PHF12: variants seen among roughly 807,000 people sequenced by gnomAD.
The protein encoded by PHF12 is PHD finger protein 12.
Under a neutral mutation model 99.8 loss-of-function variants are expected in PHF12, and 6 were observed. The ratio of observed to expected loss-of-function variants is 0.06; its 90% confidence interval spans 0.03 to 0.12. The LOEUF (loss-of-function observed/expected upper bound fraction) is 0.12, where lower values mean the gene tolerates loss of function less well. Among genes scored for constraint, PHF12 ranks in the 10% least tolerant of loss-of-function variants. The pLI, the probability that PHF12 is intolerant of heterozygous loss-of-function variation, is 1.00. For synonymous variants in PHF12, 480 were observed against 514.9 expected, an observed-to-expected ratio of 0.93 and a Z score of 0.92; for missense variants, 954 against 1,300.1, an observed-to-expected ratio of 0.73 and a Z score of 4.09.
Position 28,924,176 on chromosome 17 carries a change from C to A in PHF12, c.448G>T (p.Ala150Ser), listed in dbSNP as rs1294082831. ...DRSASKTELK[A>S]IAHARILERR... is the part of the protein sequence containing the mutation. Reference sequence around the variant, plus strand: ...TCCAGGATCCGGGCATGGGCAATGGCCTTTAGTTCAGTTTTGCTGGCCGAT... The same window carrying A: ...TCCAGGATCCGGGCATGGGCAATGGACTTTAGTTCAGTTTTGCTGGCCGAT... The change falls in exon 4 of 15, where the codon GCC becomes TCC. Residue 150 changes from alanine to serine, a missense_variant. Transcript: ENST00000332830. 6.2e-7 allele frequency: 1 copy of A among 1,614,184 alleles called. No individual in the cohort carries two copies. Among genetic ancestry groups the A allele is most frequent in the Non-Finnish European group, 8.5e-7 (1 of 1,180,048 alleles).
At chr17:28,910,646 A>C in intron 10 of PHF12, 1 of 503,430 alleles carries the variant, frequency 2.0e-6, no homozygotes, top group Non-Finnish European at 3.5e-6. Context: ...GAGTGGAATA[A>C]ACCACTTGCC....
chr17:28,921,931 G>T, intron 4 of PHF12, 123 bp from the exon 5 acceptor site: 1 of 1,290,864 alleles, frequency 7.7e-7, no homozygotes, highest in Non-Finnish European at 1.1e-6. Context: ...AGCATGAATT[G>T]CTCTCTGAGG....
At chr17:28,924,462 A>T in intron 3 of PHF12, 160 bp from the exon 4 acceptor site, 3 of 921,492 alleles carry the variant, frequency 3.3e-6, no homozygotes, top group Non-Finnish European at 5.0e-6. Context: ...GTTAAAGTTG[A>T]CACAACTCTA....
rs2040802206 is a variant in PHF12, at chr17:28,951,038, G to A, written c.-78C>T. 2 of 1,603,984 alleles carry A rather than the reference G, an allele frequency of 1.2e-6. No homozygotes were observed. Among genetic ancestry groups the A allele is most frequent in the Non-Finnish European group, 1.7e-6 (2 of 1,174,976 alleles). On this transcript the variant is annotated 5_prime_UTR_variant, in exon 1 of 15. Transcript: ENST00000332830. ...GGGAGGGGGGAGGTGAGGGGAGGGGGCGCTCCTGACCCCGGCCCCGCTTTT... is the reference window on the plus strand; with the variant it reads ...GGGAGGGGGGAGGTGAGGGGAGGGGACGCTCCTGACCCCGGCCCCGCTTTT...
At chr17:28,924,591 C>G in intron 3 of PHF12, 1 of 467,442 alleles carries the variant, frequency 2.1e-6, no homozygotes, top group Non-Finnish European at 3.9e-6. Context: ...CATACAACAT[C>G]TATAAAGTAT....
At chr17:28,907,407 A>ACCT in intron 13 of PHF12, 183 bp downstream of exon 13, 3 of 604,160 alleles carry the variant, frequency 5.0e-6, no homozygotes, top group Non-Finnish European at 8.5e-6. Context: ...GGAAGCAGGT[A>ACCT]GCTTCCCAGG....
At chr17:28,931,405 CG>C (rs1417471923) in intron 2 of PHF12, among the ~76,000 whole-genome samples, 1 of 143,308 alleles carries the variant, frequency 7.0e-6, no homozygotes, top group East Asian at 2.1e-4. Flanking sequence ...ACAGGTTGCC[CG>C]CCATCACACC....
intron 12 of PHF12, 167 bp from the exon 13 acceptor site, chr17:28,907,839 TTG>T (rs1778834102): frequency 3.7e-6 from 2 of 544,888 alleles, no homozygotes; most frequent in African/African-American, 3.8e-5. Context: ...ACAAAAACTG[TTG>T]TCTTTTCCAA....
Position 28,950,295 on chromosome 17 carries a change from G to T in PHF12, c.67-49C>A, listed in dbSNP as rs754794328. On this transcript the variant is annotated intron_variant, in intron 1 of 14. Coordinates refer to ENST00000332830, the MANE Select transcript of PHF12 (RefSeq NM_001033561.2). The surrounding 1 kb of genome is among the most constrained non-coding windows in gnomAD (Gnocchi z 5.7). Reference sequence around the variant, plus strand: ...GTGTGCACACTCGGAGCTCCCGGGCGGTCCGTCGCCCCCCCGGCGCGGTTT... The same window carrying T: ...GTGTGCACACTCGGAGCTCCCGGGCTGTCCGTCGCCCCCCCGGCGCGGTTT... The T allele has an allele frequency of 2.8e-5, 43 of 1,537,682 alleles. No individual in the cohort carries two copies. In the South Asian group the frequency reaches 4.5e-4, roughly 16 times the overall value.
intron 2 of PHF12, chr17:28,945,029 C>G (rs904511082): frequency 1.3e-5 from 2 of 152,220 alleles, no homozygotes; most frequent in African/African-American, 4.8e-5. Flanking sequence ...AATCTCAACA[C>G]TTTGTGAGGC....
In PHF12 at chr17:28,950,735, A is replaced by T; in HGVS notation, c.66+160T>A. On this transcript the variant is annotated intron_variant, in intron 1 of 14. Transcript: ENST00000332830. This position sits in a 1 kb window ranked among gnomAD's most constrained non-coding sequence, Gnocchi z 5.7. ...GCAAACGTCCTCGGAGGCTGAGCTC[A>T]GCCCCCTAAATTGCAAAGAGGGGAG... is the stretch of plus-strand genomic sequence containing the variant. The T allele has an allele frequency of 9.5e-7, 1 of 1,053,756 alleles. No individual in the cohort carries two copies. The allele number at this position is 1,053,756 out of a possible 1,614,324, so 65.3% of individuals were successfully genotyped here.
chr17:28,912,902 T>C lies in PHF12; in HGVS notation c.1669A>G (p.Thr557Ala). The change falls in exon 9 of 15, where the codon ACT becomes GCT. Residue 557 changes from threonine to alanine, a missense_variant. Thr to Ala is a moderately conservative substitution (Grantham distance 58). This residue lies in a region of PHF12 where 392 missense variants were observed against 423.1 expected (regional missense o/e 0.93). Transcript: ENST00000332830. ...AGTCGCCGGGGGTCCGTGGAATCAG[T>C]AGGGCTGCTGTAGAGGTGTGGGCCA... ...ANGPHLYSSP[T>A]DSTDPRRLPG... is the part of the protein sequence containing the mutation. 6.2e-7 allele frequency: 1 copy of C among 1,614,042 alleles called. No homozygotes were observed. Among genetic ancestry groups the C allele is most frequent in the Non-Finnish European group, 8.5e-7 (1 of 1,179,914 alleles).
At chr17:28,940,493 A>G (rs1419762378) in intron 2 of PHF12, among the ~76,000 whole-genome samples, 6 of 152,232 alleles carry the variant, frequency 3.9e-5, no homozygotes, top group Non-Finnish European at 8.8e-5. Context: ...ATTCCACAAC[A>G]GCTCTATGTA....
chr17:28,921,570 C>T, intron 5 of PHF12, 118 bp downstream of exon 5: 1 of 1,304,324 alleles, frequency 7.7e-7, no homozygotes, highest in Non-Finnish European at 1.1e-6. Context: ...TCCATGTACT[C>T]ATACTATCAG....
Position 28,907,010 on chromosome 17 carries a change from G to T in PHF12, c.2542-16C>A. On this transcript the variant is annotated splice_polypyrimidine_tract_variant and intron_variant, in intron 13 of 14. Coordinates refer to ENST00000332830, the MANE Select transcript of PHF12 (RefSeq NM_001033561.2). ...GTTTGGTATTCTGAGGAGGAGGAGGGGAGATAAGATGTGTGGTCTGCTGTG... is the reference window on the plus strand; with the variant it reads ...GTTTGGTATTCTGAGGAGGAGGAGGTGAGATAAGATGTGTGGTCTGCTGTG... The T allele has an allele frequency of 3.1e-6, 5 of 1,596,614 alleles. No individual in the cohort carries two copies. The highest frequency in any genetic ancestry group is 4.3e-6 in the Non-Finnish European group (5 of 1,170,938).
intron 6 of PHF12, 74 bp from the exon 7 acceptor site, chr17:28,917,523 G>A (rs2040084702): frequency 6.7e-7 from 1 of 1,492,682 alleles, no homozygotes; most frequent in Non-Finnish European, 9.0e-7. Context: ...CCCATTCCCT[G>A]TGTTTAAAAA....
chr17:28,918,679 A>C (rs547063402), intron 6 of PHF12, among the ~76,000 whole-genome samples: 2 of 152,346 alleles, frequency 1.3e-5, no homozygotes, highest in South Asian at 4.1e-4. Flanking sequence ...AGCAAGTGAC[A>C]GCTCTTTTCT....
Position 28,906,697 on chromosome 17 carries a change from T to TAC in PHF12, c.2680+157_2680+158dup, listed in dbSNP as rs1456163525. 7 of 1,230,480 alleles carry TAC rather than the reference T, an allele frequency of 5.7e-6. No homozygotes were observed. Among genetic ancestry groups the TAC allele is most frequent in the Non-Finnish European group, 6.7e-6 (6 of 893,414 alleles). 76.2% of individuals were successfully genotyped at this position (1,230,480 alleles called of 1,614,324 possible). Reference sequence around the variant, plus strand: ...CCACAGGTGTGTACACACATGGGGGTACTCAGCACTTGCTTCTCTGTGGCC... The same window carrying TAC: ...CCACAGGTGTGTACACACATGGGGGTACACTCAGCACTTGCTTCTCTGTGGCC... On this transcript the variant is annotated intron_variant, in intron 14 of 14. Transcript: ENST00000332830. This position sits in a 1 kb window ranked among gnomAD's most constrained non-coding sequence, Gnocchi z 4.2.
At chr17:28,942,647 C>T (rs1306163530) in intron 2 of PHF12, among the ~76,000 whole-genome samples, 3 of 151,712 alleles carry the variant, frequency 2.0e-5, no homozygotes, top group Non-Finnish European at 4.4e-5. Flanking sequence ...GAAACCCCGT[C>T]TCAACAAAAA....
Sources: allele counts gnomAD v4.1 joint callset (sites outside exome capture counted in the v4.1 genomes callset), GRCh38; gene constraint gnomAD v4.1.1; regional missense constraint gnomAD v4.1.1; non-coding constraint Gnocchi (gnomAD v3.1); transcripts MANE v1.5; gene names NCBI Gene and HGNC (gene_info 2026-07-23, HGNC 2026-07-21).